LMO1: variants seen among roughly 807,000 people sequenced by gnomAD.
LMO1 encodes LIM domain only 1.
A neutral mutation model predicts 18.0 loss-of-function variants in LMO1; 10 were observed. The ratio of observed to expected loss-of-function variants is 0.55; its 90% CI spans 0.34 to 0.94. The LOEUF is 0.94. Ranked by LOEUF, LMO1 falls within the 40% of genes least tolerant of loss-of-function variation. The pLI, the probability that LMO1 is intolerant of heterozygous loss-of-function variation, is 0.02. For missense variants in LMO1, 183 were observed against 205.7 expected, an observed-to-expected ratio of 0.89 and a Z score of 0.68; for synonymous variants, 77 against 77.9, an observed-to-expected ratio of 0.99 and a Z score of 0.06.
Position 8,250,650 on chromosome 11 carries a change from G to A in LMO1, c.25+12688C>T, listed in dbSNP as rs540175543. ...ACAGATGGGAAACAGCTTCTGGCTC[G>A]GGGGAGAGCAGCTGCCTGGAAGAGA... is the stretch of plus-strand genomic sequence containing the variant. On this transcript the variant is annotated intron_variant, in intron 1 of 3. Coordinates refer to ENST00000335790, the MANE Select transcript of LMO1 (RefSeq NM_002315.3). 2.4e-4 allele frequency among the ~76,000 whole-genome samples: 36 copies of A among 152,374 alleles called. No individual in the cohort carries two copies. In the South Asian group the frequency reaches 6.8e-3, roughly 29 times the overall value.
intron 1 of LMO1, among the ~76,000 whole-genome samples, chr11:8,243,818 C>A (rs1170504580): frequency 6.6e-6 from 1 of 152,198 alleles, no homozygotes; most frequent in African/African-American, 2.4e-5. Flanking sequence ...GAGGCATGAG[C>A]CCACAGAGGA....
chr11:8,262,660 C>T (rs1847205709), intron 1 of LMO1, among the ~76,000 whole-genome samples: 1 of 152,258 alleles, frequency 6.6e-6, no homozygotes, highest in Admixed American at 6.5e-5. Context: ...TACCGGCCGG[C>T]GGCGGGACAC....
intron 1 of LMO1, among the ~76,000 whole-genome samples, chr11:8,261,780 CCTT>C (rs1847190055): frequency 6.6e-6 from 1 of 152,098 alleles, no homozygotes; most frequent in African/African-American, 2.4e-5. Context: ...ACCCCAGACC[CCTT>C]CTTCTCCTTT....
Position 8,240,424 on chromosome 11 carries a change from T to C in LMO1, c.26-9920A>G, listed in dbSNP as rs77070093. 5.7e-3 allele frequency among the ~76,000 whole-genome samples: 867 copies of C among 152,302 alleles called. 9 individuals carry two copies. The highest frequency in any genetic ancestry group is 0.01 in the Non-Finnish European group (683 of 68,022). On this transcript the variant is annotated intron_variant, in intron 1 of 3. Coordinates refer to ENST00000335790, the MANE Select transcript of LMO1 (RefSeq NM_002315.3). ...CTTGTTGAGGGAAGCTGACTCTGGT[T>C]TGGGGCAACAGCAACAGCCTAAGGG...
rs57425549 is a variant in LMO1, at chr11:8,255,818, C to CTTTTTTTTTTT, written c.25+7509_25+7519dup. On this transcript the variant is annotated intron_variant, in intron 1 of 3. Transcript: ENST00000335790. ...TACATACAGATAGCACAATGCCGCA[C>CTTTTTTTTTTT]TTTTTTTTTTTTTTTTTTTTTTTTT... Among the ~76,000 whole-genome samples the CTTTTTTTTTTT allele has an allele frequency of 1.0e-4, 9 of 86,362 alleles. 1 individual carries two copies. Among genetic ancestry groups the CTTTTTTTTTTT allele is most frequent in the Admixed American group, 1.7e-4 (1 of 5,888 alleles). The allele number at this position is 86,362 out of a possible 152,430, so 56.7% of individuals were successfully genotyped here.
intron 1 of LMO1, among the ~76,000 whole-genome samples, chr11:8,238,296 C>A (rs1416664131): frequency 2.0e-5 from 3 of 152,120 alleles, no homozygotes; most frequent in South Asian, 2.1e-4. Flanking sequence ...ATGAAAGAAG[C>A]TAGACACAAA....
intron 1 of LMO1, among the ~76,000 whole-genome samples, chr11:8,247,839 C>T (rs1175023856): frequency 3.9e-5 from 6 of 152,188 alleles, no homozygotes; most frequent in Admixed American, 3.9e-4. Context: ...TCTATGAGGC[C>T]CAGGGATGAG....
chr11:8,256,419 G>A (rs1262562174), intron 1 of LMO1, among the ~76,000 whole-genome samples: 1 of 152,204 alleles, frequency 6.6e-6, no homozygotes, highest in Non-Finnish European at 1.5e-5. Flanking sequence ...GACTACACCT[G>A]TAGACAGGAG....
chr11:8,257,383 A>C (rs1847114835), intron 1 of LMO1, among the ~76,000 whole-genome samples: 1 of 152,240 alleles, frequency 6.6e-6, no homozygotes, highest in African/African-American at 2.4e-5. Context: ...CCAAAGGCCC[A>C]GGACAGGTGA....
chr11:8,247,936 T>A (rs1003470586), intron 1 of LMO1, among the ~76,000 whole-genome samples: 2 of 152,200 alleles, frequency 1.3e-5, no homozygotes. Flanking sequence ...CAACACCTCC[T>A]CGGGTGGGCA....
chr11:8,229,127 A>G (rs1291750560), intron 2 of LMO1, among the ~76,000 whole-genome samples: 1 of 151,778 alleles, frequency 6.6e-6, no homozygotes, highest in Non-Finnish European at 1.5e-5. Flanking sequence ...AGCTGGAGTG[A>G]CGTGCCTGCC....
At chr11:8,242,075 C>A (rs946905650) in intron 1 of LMO1, among the ~76,000 whole-genome samples, 6 of 152,152 alleles carry the variant, frequency 3.9e-5, no homozygotes, top group African/African-American at 1.4e-4. Context: ...GCCCCTGTGC[C>A]ACACCCCCTA....
intron 1 of LMO1, among the ~76,000 whole-genome samples, chr11:8,261,036 G>T (rs930612694): frequency 3.9e-5 from 6 of 152,200 alleles, no homozygotes; most frequent in Non-Finnish European, 8.8e-5. Context: ...CATCTTCAAG[G>T]TTTCCTGGAA....
chr11:8,263,011 G>A (rs1847213494), intron 1 of LMO1, among the ~76,000 whole-genome samples: 1 of 152,132 alleles, frequency 6.6e-6, no homozygotes, highest in African/African-American at 2.4e-5. Flanking sequence ...TCCGCGGCGC[G>A]GAGATCGCAA....
chr11:8,254,307 TCAC>T (rs1167297167), intron 1 of LMO1, among the ~76,000 whole-genome samples: 1 of 152,192 alleles, frequency 6.6e-6, no homozygotes, highest in Non-Finnish European at 1.5e-5. Context: ...CAAAATAAAA[TCAC>T]AGCCTGAAGC....
intron 1 of LMO1, among the ~76,000 whole-genome samples, chr11:8,248,814 G>C (rs1044076541): frequency 6.6e-6 from 1 of 152,198 alleles, no homozygotes; most frequent in African/African-American, 2.4e-5. Context: ...GTCTAGACTT[G>C]CTGCCTCCCA....
At chr11:8,260,948 A>G (rs1410609776) in intron 1 of LMO1, among the ~76,000 whole-genome samples, 2 of 152,178 alleles carry the variant, frequency 1.3e-5, no homozygotes, top group Non-Finnish European at 2.9e-5. Context: ...AGAAGCGTTC[A>G]AGAAGAAGAT....
intron 1 of LMO1, among the ~76,000 whole-genome samples, chr11:8,240,692 C>T (rs900370713): frequency 6.6e-6 from 1 of 152,068 alleles, no homozygotes; most frequent in African/African-American, 2.4e-5. Flanking sequence ...GCACCAATCC[C>T]ATTCATGAGG....
intron 1 of LMO1, among the ~76,000 whole-genome samples, chr11:8,232,151 G>A (rs953927534): frequency 1.3e-5 from 2 of 152,178 alleles, no homozygotes; most frequent in Non-Finnish European, 2.9e-5. Flanking sequence ...ACAGTGTGCA[G>A]GGCCAGTGGC....
Sources: allele counts gnomAD v4.1 joint callset (sites outside exome capture counted in the v4.1 genomes callset), GRCh38; gene constraint gnomAD v4.1.1; transcripts MANE v1.5; gene names NCBI Gene and HGNC (gene_info 2026-07-23, HGNC 2026-07-21).